The following BCLAF3 variants were observed in gnomAD, a reference collection of about 807,000 sequenced individuals.
BCLAF3 encodes transient octamer binding factor 1.
Under a neutral mutation model 51.2 loss-of-function variants are expected in BCLAF3, and 24 were observed. The ratio of observed to expected loss-of-function variants is 0.47; its 90% CI spans 0.34 to 0.66. The LOEUF is 0.66. Among genes scored for constraint, BCLAF3 ranks in the 30% least tolerant of loss-of-function variants. The pLI, the probability that BCLAF3 is intolerant of heterozygous loss-of-function variation, is 0.01. For synonymous variants in BCLAF3, 152 were observed against 176.6 expected, an observed-to-expected ratio of 0.86 and a Z score of 1.10; for missense variants, 465 against 525.1, an observed-to-expected ratio of 0.89 and a Z score of 1.12.
At chrX:19,920,637 T>G (rs2070117337) in intron 11 of BCLAF3, among the ~76,000 whole-genome samples, 1 of 110,012 alleles carries the variant, frequency 9.1e-6, no homozygotes, top group Admixed American at 9.7e-5. Context: ...CTGGCCAACA[T>G]GGCGAGACCC....
intron 8 of BCLAF3, among the ~76,000 whole-genome samples, chrX:19,950,018 A>C (rs1254446356): frequency 8.9e-6 from 1 of 111,931 alleles, no homozygotes; most frequent in East Asian, 2.8e-4. Flanking sequence ...GTATGAGGTT[A>C]AGAAAGAAAA....
intron 7 of BCLAF3, among the ~76,000 whole-genome samples, chrX:19,952,454 G>A (rs916557481): frequency 1.8e-5 from 2 of 108,657 alleles, no homozygotes; most frequent in African/African-American, 6.7e-5. Flanking sequence ...AGAAATGGGG[G>A]GTGGGAGGGG....
At chrX:19,932,851 C>G (rs941219810) in intron 10 of BCLAF3, among the ~76,000 whole-genome samples, 4 of 111,779 alleles carry the variant, frequency 3.6e-5, no homozygotes, top group African/African-American at 1.3e-4. Flanking sequence ...TCAAGATTTT[C>G]TCAACATGAA....
chrX:19,970,848 C>T (rs1483627378), intron 1 of BCLAF3, among the ~76,000 whole-genome samples: 1 of 111,202 alleles, frequency 9.0e-6, no homozygotes, highest in African/African-American at 3.3e-5. Flanking sequence ...AGTTTAATGA[C>T]CCCTAAATTA....
intron 11 of BCLAF3, among the ~76,000 whole-genome samples, chrX:19,928,677 A>C (rs2070441978): frequency 8.9e-6 from 1 of 112,087 alleles, no homozygotes; most frequent in Non-Finnish European, 1.9e-5. Context: ...AATGGAATCA[A>C]CCTCAGTATC....
In BCLAF3 at chrX:19,976,083, T is replaced by C. The variant is rs1452742220; in HGVS notation, c.-34-5785A>G. 2.7e-5 allele frequency among the ~76,000 whole-genome samples: 3 copies of C among 111,546 alleles called. No individual in the cohort carries two copies. The Admixed American group carries it at 2.9e-4, about 11-fold the overall frequency. Reference sequence around the variant, plus strand: ...ATAACTCCAGCTCACACCCATCCCATGCACTCTAGCCTTGCATATCCAACA... The same window carrying C: ...ATAACTCCAGCTCACACCCATCCCACGCACTCTAGCCTTGCATATCCAACA... On this transcript the variant is annotated intron_variant, in intron 1 of 11. Transcript: ENST00000379682.
At chrX:19,975,533 A>G (rs1419404912) in intron 1 of BCLAF3, among the ~76,000 whole-genome samples, 1 of 111,084 alleles carries the variant, frequency 9.0e-6, no homozygotes, top group African/African-American at 3.3e-5. Flanking sequence ...CAGTAGAGAC[A>G]GGGTTTCACC....
At chrX:19,927,346 T>C (rs2070392731) in intron 11 of BCLAF3, among the ~76,000 whole-genome samples, 1 of 112,067 alleles carries the variant, frequency 8.9e-6, no homozygotes, top group South Asian at 3.7e-4. Flanking sequence ...TGACATAAGA[T>C]ATTCTATTTA....
chrX:19,964,681 C>T (rs185693535), intron 4 of BCLAF3, among the ~76,000 whole-genome samples: 9 of 111,744 alleles, frequency 8.1e-5, no homozygotes, highest in African/African-American at 2.6e-4. Flanking sequence ...ACAGAGAGCA[C>T]AGGCTCTGAG....
chrX:19,947,370 T>C (rs5909345), intron 8 of BCLAF3, among the ~76,000 whole-genome samples: 33,744 of 111,524 alleles, frequency 0.3, 5,721 homozygotes, highest in African/African-American at 0.66. Flanking sequence ...AAACAACTCA[T>C]TTACATTGTA....
At chrX:19,935,602 TA>T (rs199580426) in intron 10 of BCLAF3, 27,233 of 275,604 alleles carry the variant, frequency 0.099, no homozygotes, top group East Asian at 0.12. Flanking sequence ...AATCTACTGG[TA>T]AAAAAAAAAA....
At chrX:19,945,006 A>T (rs1301733278) in intron 8 of BCLAF3, among the ~76,000 whole-genome samples, 9 of 105,140 alleles carry the variant, frequency 8.6e-5, no homozygotes, top group East Asian at 2.9e-4. Flanking sequence ...ACTTCCCTTC[A>T]CGCTTCATTT....
At chrX:19,929,058 A>G (rs2070455915) in intron 11 of BCLAF3, 1 of 111,716 alleles carries the variant, frequency 9.0e-6, no homozygotes, top group Non-Finnish European at 1.9e-5. Flanking sequence ...TTGCTAACAG[A>G]GTAGATTTTA....
chrX:19,940,888 C>T (rs1207522293), intron 8 of BCLAF3, among the ~76,000 whole-genome samples: 1 of 111,282 alleles, frequency 9.0e-6, no homozygotes, highest in Non-Finnish European at 1.9e-5. Context: ...GTCCCACCAA[C>T]AGTGTAAAAG....
In BCLAF3 at chrX:19,966,581, C is replaced by A. The variant is rs369873917; in HGVS notation, c.110G>T (p.Cys37Phe). The A allele has an allele frequency of 8.3e-7, 1 of 1,211,240 alleles. No homozygotes were observed. Among genetic ancestry groups the A allele is most frequent in the Non-Finnish European group, 1.1e-6 (1 of 895,398 alleles). The change falls in exon 3 of 12, where the codon TGT becomes TTT. Residue 37 changes from cysteine (C) to phenylalanine (F), a missense_variant. Coordinates refer to ENST00000379682, the MANE Select transcript of BCLAF3 (RefSeq NM_001367774.2). Reference sequence around the variant, plus strand: ...TCTTTTTGGATCCTTCCTATATTCACAGCCATAATGCCCGTGTGAATGTCT... The same window carrying A: ...TCTTTTTGGATCCTTCCTATATTCAAAGCCATAATGCCCGTGTGAATGTCT... ...KQRHSHGHYG[C>F]EYRKDPKRPV...
intron 5 of BCLAF3, chrX:19,954,243 T>C: frequency 1.4e-6 from 1 of 725,423 alleles, no homozygotes. Flanking sequence ...AGCTTCACAG[T>C]TGAATGAAAA....
In BCLAF3 at chrX:19,967,274, A is replaced by C. The variant is rs376668801; in HGVS notation, c.42-625T>G. ...CTTAACCGGGGGAAAAGGGGGAACA[A>C]GAGGCTCTTAAGACTTGAATCTCAT... On this transcript the variant is annotated intron_variant, in intron 2 of 11. Coordinates refer to ENST00000379682, the MANE Select transcript of BCLAF3 (RefSeq NM_001367774.2). 6.2e-5 allele frequency among the ~76,000 whole-genome samples: 7 copies of C among 112,021 alleles called. No individual in the cohort carries two copies. In the East Asian group the frequency reaches 2.0e-3, roughly 31 times the overall value.
intron 11 of BCLAF3, among the ~76,000 whole-genome samples, chrX:19,920,989 G>A (rs2070134806): frequency 9.0e-6 from 1 of 111,481 alleles, no homozygotes; most frequent in Non-Finnish European, 1.9e-5. Context: ...GGTTTAATAA[G>A]AAAAGAATGG....
chrX:19,943,917 T>C (rs1450293023), intron 8 of BCLAF3, among the ~76,000 whole-genome samples: 1 of 61,557 alleles, frequency 1.6e-5, no homozygotes, highest in Non-Finnish European at 3.0e-5. Flanking sequence ...CTAAGTCTCT[T>C]TGTAGGTCAC....
Sources: allele counts gnomAD v4.1 joint callset (sites outside exome capture counted in the v4.1 genomes callset), GRCh38; gene constraint gnomAD v4.1.1; transcripts MANE v1.5; gene names NCBI Gene and HGNC (gene_info 2026-07-23, HGNC 2026-07-21).